GAB1: variants seen among roughly 807,000 people sequenced by gnomAD.
The protein encoded by GAB1 is GRB2 associated binding protein 1, also known as GRB2-associated-binding protein 1.
In GAB1, 19 loss-of-function variants were observed where a neutral mutation model predicts 66.5. That is an observed-to-expected ratio of 0.29 (90% CI 0.20 to 0.42). The LOEUF is 0.42. GAB1 is among the 10% of genes least tolerant of loss of function. The pLI, the probability that GAB1 is intolerant of heterozygous loss-of-function variation, is 1.00. For missense variants in GAB1, 732 were observed against 858.5 expected (o/e 0.85, Z 1.84); for synonymous variants, 294 against 301.4 (o/e 0.98, Z 0.25).
At chr4:143,446,668 G>C (rs1734565908) in intron 6 of GAB1, among the ~76,000 whole-genome samples, 1 of 152,030 alleles carries the variant, frequency 6.6e-6, no homozygotes, top group Non-Finnish European at 1.5e-5. Flanking sequence ...AAATTTGTTT[G>C]AGTTCATTGT....
At chr4:143,368,744 G>A (rs1729989749) in intron 1 of GAB1, among the ~76,000 whole-genome samples, 1 of 152,036 alleles carries the variant, frequency 6.6e-6, no homozygotes, top group Non-Finnish European at 1.5e-5. Flanking sequence ...TGCGATACAA[G>A]GCTGTATAAA....
chr4:143,453,568 T>A (rs1352150786), intron 6 of GAB1, among the ~76,000 whole-genome samples: 1 of 152,196 alleles, frequency 6.6e-6, no homozygotes, highest in Non-Finnish European at 1.5e-5. Context: ...AAATTACTGG[T>A]CACGAAGGTA....
At chr4:143,461,403 C>T (rs1249513515) in intron 8 of GAB1, among the ~76,000 whole-genome samples, 1 of 152,188 alleles carries the variant, frequency 6.6e-6, no homozygotes, top group Non-Finnish European at 1.5e-5. Context: ...TTTTCCAGCT[C>T]TCCAGTCTGC....
chr4:143,416,110 A>T (rs990390991), intron 2 of GAB1, among the ~76,000 whole-genome samples: 1 of 152,232 alleles, frequency 6.6e-6, no homozygotes, highest in Non-Finnish European at 1.5e-5. Context: ...CACCTATTAA[A>T]AAATAGCACA....
At chr4:143,359,801 T>A (rs1729594284) in intron 1 of GAB1, among the ~76,000 whole-genome samples, 1 of 152,230 alleles carries the variant, frequency 6.6e-6, no homozygotes, top group African/African-American at 2.4e-5. Context: ...AGGGTGTTTG[T>A]TAACCCCTAA....
Position 143,440,258 on chromosome 4 carries a change from G to A in GAB1, c.1461G>A (p.Met487Ile), listed in dbSNP as rs750721800. ...PGTFDFSSFG[M>I]QVPPPAHMGF... Reference sequence around the variant, plus strand: ...CATTTGATTTTTCCTCATTTGGAATGCAAGTTCCTCCTCCTGCTCATATGG... The same window carrying A: ...CATTTGATTTTTCCTCATTTGGAATACAAGTTCCTCCTCCTGCTCATATGG... Residue 487 changes from methionine (M) to isoleucine (I), a missense_variant, in exon 6 of 10, where the codon ATG becomes ATA. Transcript: ENST00000262994. 1 of 1,614,008 alleles carries A rather than the reference G, an allele frequency of 6.2e-7. No homozygotes were observed. The highest frequency in any genetic ancestry group is 8.5e-7 in the Non-Finnish European group (1 of 1,180,026).
At chr4:143,365,210 C>G (rs1338292286) in intron 1 of GAB1, among the ~76,000 whole-genome samples, 1 of 152,090 alleles carries the variant, frequency 6.6e-6, no homozygotes. Flanking sequence ...GTTCCTCATC[C>G]TCTCTACCCC....
At chr4:143,392,184 ATGG>A (rs1446184858) in intron 1 of GAB1, among the ~76,000 whole-genome samples, 1 of 152,214 alleles carries the variant, frequency 6.6e-6, no homozygotes, top group Non-Finnish European at 1.5e-5. Context: ...TTTTAAACAG[ATGG>A]TCCCAAGTTA....
chr4:143,438,689 A>G (rs1447493311), intron 4 of GAB1, 89 bp downstream of exon 4: 4 of 1,339,716 alleles, frequency 3.0e-6, no homozygotes, highest in Non-Finnish European at 4.1e-6. Context: ...GTAGTTAAAT[A>G]TACTATGCTA....
chr4:143,473,248 T>A lies in GAB1; in HGVS notation c.*4059T>A, dbSNP rs1333871141. ...CTCCCCTCTTGTTCATCATCTTTTG[T>A]AAAGGTCCCATTGTAGATCTTTTCT... is the stretch of plus-strand genomic sequence containing the variant. On this transcript the variant is annotated 3_prime_UTR_variant, in exon 10 of 10. Coordinates refer to ENST00000262994, the MANE Select transcript of GAB1 (RefSeq NM_002039.4). 1 of 152,238 alleles carries A rather than the reference T, an allele frequency of 6.6e-6. No homozygotes were observed. Among genetic ancestry groups the A allele is most frequent in the Non-Finnish European group, 1.5e-5 (1 of 68,040 alleles). 9.4% of individuals were successfully genotyped at this position (152,238 alleles called of 1,614,324 possible). A position where few individuals can be genotyped will look rare whatever the true frequency, so the allele number is the denominator to read the frequency against.
chr4:143,413,577 A>AT (rs2149715089), intron 1 of GAB1, among the ~76,000 whole-genome samples: 1 of 152,118 alleles, frequency 6.6e-6, no homozygotes, highest in African/African-American at 2.4e-5. Flanking sequence ...GATTGCCTAA[A>AT]TTTTTCTGTA....
At chr4:143,417,829 A>G (rs1732779740) in intron 2 of GAB1, among the ~76,000 whole-genome samples, 2 of 152,264 alleles carry the variant, frequency 1.3e-5, no homozygotes, top group African/African-American at 4.8e-5. Flanking sequence ...AAGAATCAGA[A>G]ATAAAGGTGA....
intron 1 of GAB1, among the ~76,000 whole-genome samples, chr4:143,369,620 A>G (rs974306336): frequency 2.6e-5 from 4 of 152,334 alleles, no homozygotes; most frequent in African/African-American, 9.6e-5. Flanking sequence ...CAATATATAT[A>G]TGATTTCCTC....
chr4:143,456,171 A>C (rs923613306), intron 6 of GAB1, among the ~76,000 whole-genome samples: 3 of 152,180 alleles, frequency 2.0e-5, no homozygotes, highest in African/African-American at 7.2e-5. Flanking sequence ...AAAAGTTGTC[A>C]TCGTAGCCGG....
intron 6 of GAB1, among the ~76,000 whole-genome samples, chr4:143,451,349 G>T (rs978594202): frequency 6.6e-6 from 1 of 152,086 alleles, no homozygotes; most frequent in East Asian, 1.9e-4. Flanking sequence ...AAAGGAGGGA[G>T]GAAAGTACCA....
At chr4:143,466,292 T>TCCCAAAGGAAATAA in intron 9 of GAB1, 67 bp downstream of exon 9, 1 of 1,478,106 alleles carries the variant, frequency 6.8e-7, no homozygotes, top group Non-Finnish European at 9.2e-7. Context: ...TGAAGAATTA[T>TCCCAAAGGAAATAA]TTCCTTTGGG....
chr4:143,440,864 A>G (rs1734191115), intron 6 of GAB1, among the ~76,000 whole-genome samples: 1 of 152,230 alleles, frequency 6.6e-6, no homozygotes, highest in African/African-American at 2.4e-5. Flanking sequence ...AAAACATTGC[A>G]GGCCAACCCA....
At chr4:143,468,983 G>C (rs372142961) in intron 9 of GAB1, 48 bp from the exon 10 acceptor site, 423 of 1,592,194 alleles carry the variant, frequency 2.7e-4, no homozygotes, top group Non-Finnish European at 3.5e-4. Flanking sequence ...TTGTACTCAG[G>C]AACACTCCTT....
chr4:143,449,146 T>C (rs1365208163), intron 6 of GAB1, among the ~76,000 whole-genome samples: 9 of 144,422 alleles, frequency 6.2e-5, no homozygotes, highest in Non-Finnish European at 7.5e-5. Flanking sequence ...TGCACTGTGG[T>C]CTGAGAGACA....
Sources: gnomAD v4.1 joint callset for allele counts (sites outside exome capture counted in the v4.1 genomes callset) on GRCh38, gnomAD v4.1.1 for gene constraint, MANE v1.5 for transcripts, NCBI Gene and HGNC (gene_info 2026-07-23, HGNC 2026-07-21) for gene names.